The following SRSF1 variants were observed in gnomAD, a reference collection of about 807,000 sequenced individuals.
SRSF1 encodes serine and arginine rich splicing factor 1, also known as serine/arginine-rich splicing factor 1.
SRSF1 carries 1 observed loss-of-function variant against 25.9 expected under a neutral mutation model. That is an observed-to-expected ratio of 0.04 (90% CI 0.01 to 0.18). SRSF1 has a LOEUF of 0.18. Ranked by LOEUF, SRSF1 falls within the 10% of genes least tolerant of loss-of-function variation. The pLI, the probability that SRSF1 is intolerant of heterozygous loss-of-function variation, is 1.00. For missense variants in SRSF1, 65 were observed against 350.5 expected (o/e 0.19, Z 6.50); for synonymous variants, 132 against 126.2 (o/e 1.05, Z -0.31).
At chr17:57,996,886 T>C (rs548005142), downstream of SRSF1, among the ~76,000 whole-genome samples, 6 of 152,330 alleles carry the variant, frequency 3.9e-5, no homozygotes, top group African/African-American at 1.4e-4. Context: ...ACATGCTATC[T>C]AGTCTCTTCA....
At chr17:57,997,834 A>G (rs2075370826), downstream of SRSF1, among the ~76,000 whole-genome samples, 1 of 152,176 alleles carries the variant, frequency 6.6e-6, no homozygotes, top group African/African-American at 2.4e-5. Context: ...CAAATTTACT[A>G]TTTTTAGAGT....
At chr17:57,994,494 G>A in the SRSF1 span, 30 of 152,102 alleles carry the variant, frequency 2.0e-4, no homozygotes, top group African/African-American at 7.0e-4. Flanking sequence ...AACTCCTGTG[G>A]GAAACAAGGA....
chr17:57,998,897 C>T (rs2075374482), downstream of SRSF1, among the ~76,000 whole-genome samples: 1 of 152,180 alleles, frequency 6.6e-6, no homozygotes, highest in African/African-American at 2.4e-5. Flanking sequence ...GACTAAATCC[C>T]ATCATATGGG....
In SRSF1 at chr17:58,003,534, A is replaced by G. The variant is rs1002466026; in HGVS notation, c.*1872T>C. Reference sequence around the variant, plus strand: ...GTTTATTTTTTCAAAGAAAACGGCAATAGCCAATTGGAAACCTACTTATTC... The same window carrying G: ...GTTTATTTTTTCAAAGAAAACGGCAGTAGCCAATTGGAAACCTACTTATTC... On this transcript the variant is annotated 3_prime_UTR_variant, in exon 4 of 4. Transcript: ENST00000258962. 1.3e-5 allele frequency: 2 copies of G among 152,220 alleles called. No individual in the cohort carries two copies. The highest frequency in any genetic ancestry group is 4.8e-5 in the African/African-American group (2 of 41,454). 9.4% of individuals were successfully genotyped at this position (152,220 alleles called of 1,614,324 possible).
At chr17:57,997,022 G>A (rs1258839377), downstream of SRSF1, among the ~76,000 whole-genome samples, 5 of 152,118 alleles carry the variant, frequency 3.3e-5, no homozygotes, top group African/African-American at 9.7e-5. Flanking sequence ...TAAATTCTGA[G>A]GCAACTTAAA....
rs2075394626 is a variant in SRSF1, at chr17:58,002,028, A to G, written c.*3378T>C. Among the ~76,000 whole-genome samples the G allele has an allele frequency of 1.3e-5, 2 of 152,230 alleles. No individual in the cohort carries two copies. Among genetic ancestry groups the G allele is most frequent in the Admixed American group, 6.5e-5 (1 of 15,278 alleles). On this transcript the variant is annotated 3_prime_UTR_variant, in exon 4 of 4. Transcript: ENST00000258962. ...CATTCAATGAACACAAATGAACCAA[A>G]GTTTACTTAAGTCTAGCTCACATTA...
chr17:58,000,862 T>A (rs1268666396), downstream of SRSF1, among the ~76,000 whole-genome samples: 1 of 152,156 alleles, frequency 6.6e-6, no homozygotes, highest in Non-Finnish European at 1.5e-5. Context: ...GTGCAATGAA[T>A]AATGAAGTTC....
chr17:57,989,572 T>C, the SRSF1 span: 30 of 397,952 alleles, frequency 7.5e-5, no homozygotes, highest in South Asian at 5.5e-4. Context: ...CAAGGAGATA[T>C]AGTAATTTGA....
chr17:58,001,161 T>A lies in SRSF1; in HGVS notation c.*4245A>T, dbSNP rs753666128. 2.0e-5 allele frequency among the ~76,000 whole-genome samples: 3 copies of A among 152,068 alleles called. No homozygotes were observed. Among genetic ancestry groups the A allele is most frequent in the Non-Finnish European group, 4.4e-5 (3 of 67,960 alleles). On this transcript the variant is annotated 3_prime_UTR_variant, in exon 4 of 4. Coordinates refer to ENST00000258962, the MANE Select transcript of SRSF1 (RefSeq NM_006924.5). Reference sequence around the variant, plus strand: ...CTTGCAATTTAAATTACAAAATTCATATACAAAGTAAGCAAAAAGGCACAC... The same window carrying A: ...CTTGCAATTTAAATTACAAAATTCAAATACAAAGTAAGCAAAAAGGCACAC...
At chr17:58,000,231 G>T (rs1157543360), downstream of SRSF1, among the ~76,000 whole-genome samples, 2 of 152,088 alleles carry the variant, frequency 1.3e-5, no homozygotes, top group African/African-American at 4.8e-5. Context: ...AGCTTTCAAA[G>T]CTACCAAGAA....
At position 58,007,075 on chromosome 17, in the gene SRSF1, A is replaced by G; in HGVS notation, c.63T>C (p.Gly21=). Residue 21 remains glycine (G), a synonymous_variant, in exon 1 of 4, where the codon GGT becomes GGC. Transcript: ENST00000258962. ...TGGTTCGGATGTCTGGAGGTAAGTTACCCACGTAGATGCGGCAATCGTTGT... is the reference window on the plus strand; with the variant it reads ...TGGTTCGGATGTCTGGAGGTAAGTTGCCCACGTAGATGCGGCAATCGTTGT... ...AGNNDCRIYV[G]NLPPDIRTKD... is the part of the protein sequence containing the mutation. The G allele has an allele frequency of 6.2e-7, 1 of 1,614,170 alleles. No homozygotes were observed. The highest frequency in any genetic ancestry group is 8.5e-7 in the Non-Finnish European group (1 of 1,180,048).
the SRSF1 span, chr17:57,990,802 A>G: frequency 6.6e-6 from 1 of 152,218 alleles, no homozygotes; most frequent in Non-Finnish European, 1.5e-5. Flanking sequence ...TACCCAAACA[A>G]AAGTCAGATC....
chr17:57,992,833 T>C, the SRSF1 span: 1 of 152,246 alleles, frequency 6.6e-6, no homozygotes, highest in South Asian at 2.1e-4. Context: ...GGTCCCTCCA[T>C]TCTTGGCAGT....
At chr17:57,994,331 A>C in the SRSF1 span, 1 of 152,232 alleles carries the variant, frequency 6.6e-6, no homozygotes, top group African/African-American at 2.4e-5. Flanking sequence ...ATCAGTTAAG[A>C]AAAGCACATG....
chr17:58,005,839 C>A lies in SRSF1; in HGVS notation c.514G>T (p.Val172Phe). The A allele has an allele frequency of 6.2e-7, 1 of 1,614,174 alleles. No homozygotes were observed. Among genetic ancestry groups the A allele is most frequent in the Non-Finnish European group, 8.5e-7 (1 of 1,180,038 alleles). Residue 172 changes from valine to phenylalanine, a missense_variant, in exon 3 of 4, where the codon GTT becomes TTT. Physicochemically the swap from Val to Phe is conservative, Grantham distance 50 (BLOSUM62 -1). This residue lies in a region of SRSF1 where 63 missense variants were observed against 284.8 expected (regional missense o/e 0.22). Coordinates refer to ENST00000258962, the MANE Select transcript of SRSF1 (RefSeq NM_006924.5). This position sits in a 1 kb window ranked among gnomAD's most constrained non-coding sequence, Gnocchi z 5.2. ...AACTTAGTGTTATCCAGTTTTCGAA[C>A]TGCATAGGTCATATCTTCTTTCCGT... ...FVRKEDMTYAVRKLDNTKFRS... is the reference protein window; with the variant it reads ...FVRKEDMTYAFRKLDNTKFRS...
At chr17:57,993,861 C>T in the SRSF1 span, 2 of 152,274 alleles carry the variant, frequency 1.3e-5, no homozygotes, top group South Asian at 2.1e-4. Context: ...TCCTCAACTT[C>T]ACCTCCCTCC....
chr17:58,006,429 C>A lies in SRSF1; in HGVS notation c.293G>T (p.Gly98Val). Reference sequence around the variant, plus strand: ...TCCGCCACCTCCACCCCCGCCGCCGCCTCGGCCTGTTCCACGGCCGCTTCG... The same window carrying A: ...TCCGCCACCTCCACCCCCGCCGCCGACTCGGCCTGTTCCACGGCCGCTTCG... ...FPRSGRGTGR[G>V]GGGGGGGGAP... Residue 98 changes from glycine to valine, a missense_variant, in exon 2 of 4, where the codon GGC becomes GTC. Gly to Val is a moderately radical substitution (Grantham distance 109, BLOSUM62 -3). Around this residue, in one of 2 missense-constraint regions of SRSF1, gnomAD observed 63 missense variants for 284.8 expected, o/e 0.22. Coordinates refer to ENST00000258962, the MANE Select transcript of SRSF1 (RefSeq NM_006924.5). The A allele has an allele frequency of 6.2e-7, 1 of 1,613,244 alleles. No individual in the cohort carries two copies. Among genetic ancestry groups the A allele is most frequent in the Non-Finnish European group, 8.5e-7 (1 of 1,180,030 alleles).
chr17:57,998,594 C>T (rs1284814628), downstream of SRSF1, among the ~76,000 whole-genome samples: 1 of 152,166 alleles, frequency 6.6e-6, no homozygotes, highest in African/African-American at 2.4e-5. Flanking sequence ...ATCAAAGGGA[C>T]ACCAGAGCTA....
the SRSF1 span, chr17:57,993,485 C>G: frequency 1.3e-5 from 2 of 152,136 alleles, no homozygotes; most frequent in African/African-American, 2.4e-5. Context: ...ATTAAAAGCT[C>G]TACACATGGA....
Sources: gnomAD v4.1 joint callset for allele counts (sites outside exome capture counted in the v4.1 genomes callset) on GRCh38, gnomAD v4.1.1 for gene constraint, gnomAD v4.1.1 regional missense constraint, Gnocchi (gnomAD v3.1) non-coding constraint, MANE v1.5 for transcripts, NCBI Gene and HGNC (gene_info 2026-07-23, HGNC 2026-07-21) for gene names.